Variants in CD6 observed in about 807,000 individuals in gnomAD.
CD6 encodes T-cell differentiation antigen CD6.
A neutral mutation model predicts 75.3 loss-of-function variants in CD6; 53 were observed. The ratio of observed to expected loss-of-function variants is 0.70; its 90% CI spans 0.56 to 0.88. The LOEUF (loss-of-function observed/expected upper bound fraction) is 0.88. Among genes scored for constraint, CD6 ranks in the 40% least tolerant of loss-of-function variants. The pLI is 0.00. For missense variants in CD6, 770 were observed against 897.1 expected, an observed-to-expected ratio of 0.86 and a Z score of 1.81; for synonymous variants, 359 against 381.5, an observed-to-expected ratio of 0.94 and a Z score of 0.69.
At chr11:61,017,241 G>C in intron 9 of CD6, 1 of 545,788 alleles carries the variant, frequency 1.8e-6, no homozygotes, top group Non-Finnish European at 3.3e-6. Flanking sequence ...TGGGGCTGGG[G>C]GCTGGGGGGT....
In CD6 at chr11:61,007,552, A is replaced by T. The variant is rs756897685; in HGVS notation, c.119-8A>T. Reference sequence around the variant, plus strand: ...ACCGGTCTCAGCTCTCTGGTCTGACACTTCCAGGGGAGCGGCTTCCGGTCC... The same window carrying T: ...ACCGGTCTCAGCTCTCTGGTCTGACTCTTCCAGGGGAGCGGCTTCCGGTCC... On this transcript the variant is annotated splice_polypyrimidine_tract_variant and splice_region_variant and intron_variant, in intron 2 of 12. Coordinates refer to ENST00000313421, the MANE Select transcript of CD6 (RefSeq NM_006725.5). The surrounding 1 kb of genome is among the most constrained non-coding windows in gnomAD (Gnocchi z 4.2). 16 of 1,480,524 alleles carry T rather than the reference A, an allele frequency of 1.1e-5. No homozygotes were observed. The highest frequency in any genetic ancestry group is 1.3e-5 in the Non-Finnish European group (15 of 1,114,582). The allele number at this position is 1,480,524 out of a possible 1,614,324, so 91.7% of individuals were successfully genotyped here. A position where few individuals can be genotyped will look rare whatever the true frequency, so the allele number is the denominator to read the frequency against.
intron 11 of CD6, 22 bp downstream of exon 11, chr11:61,018,035 C>T (rs1428563666): frequency 1.2e-6 from 2 of 1,606,666 alleles, no homozygotes; most frequent in Non-Finnish European, 1.7e-6. Context: ...CTCCCCCAAA[C>T]CCCCATCCCA....
At chr11:60,990,196 C>T (rs990012316) in intron 1 of CD6, among the ~76,000 whole-genome samples, 2 of 152,120 alleles carry the variant, frequency 1.3e-5, no homozygotes, top group African/African-American at 2.4e-5. Flanking sequence ...TGCAAACATA[C>T]AGAAATGCAT....
Position 61,006,728 on chromosome 11 carries a change from G to A in CD6, c.118+86G>A, listed in dbSNP as rs1055308896. The A allele has an allele frequency of 3.6e-6, 4 of 1,115,296 alleles. No homozygotes were observed. The African/African-American group carries it at 6.2e-5, about 17-fold the overall frequency. 69.1% of individuals were successfully genotyped at this position (1,115,296 alleles called of 1,614,324 possible). On this transcript the variant is annotated intron_variant, in intron 2 of 12. Coordinates refer to ENST00000313421, the MANE Select transcript of CD6 (RefSeq NM_006725.5). ...AATAAAGAAGGGAAATGGACATTTA[G>A]GATACCAGGGAGGCTCCCTGACTTC...
intron 6 of CD6, among the ~76,000 whole-genome samples, chr11:61,012,473 C>G (rs900052495): frequency 6.6e-6 from 1 of 152,166 alleles, no homozygotes; most frequent in Non-Finnish European, 1.5e-5. Flanking sequence ...TCCCCATTTG[C>G]AGACAGAGAG....
At chr11:60,989,467 C>T (rs1857971238) in intron 1 of CD6, 1 of 152,480 alleles carries the variant, frequency 6.6e-6, no homozygotes, top group African/African-American at 2.4e-5. Context: ...GCAGAGCAGC[C>T]CTGTCCCTCC....
At chr11:60,995,429 G>C (rs1433641654) in intron 1 of CD6, among the ~76,000 whole-genome samples, 2 of 152,182 alleles carry the variant, frequency 1.3e-5, no homozygotes, top group African/African-American at 4.8e-5. Context: ...ACAGATGTGA[G>C]CCACCAGGCC....
At chr11:61,003,212 G>A (rs1431106653) in intron 1 of CD6, among the ~76,000 whole-genome samples, 1 of 152,124 alleles carries the variant, frequency 6.6e-6, no homozygotes, top group African/African-American at 2.4e-5. Flanking sequence ...TAATCCACAC[G>A]CCTTGGCCTC....
rs144882878 is a variant in CD6, at chr11:60,985,538, C to G, written c.49+13624C>G. 2.1e-3 allele frequency among the ~76,000 whole-genome samples: 324 copies of G among 151,590 alleles called. 1 individual carries two copies. Among genetic ancestry groups the G allele is most frequent in the African/African-American group, 7.4e-3 (308 of 41,496 alleles). ...TTTGAACTTAGAAATCTGTCACTAT[C>G]ATGTATCTCAAACCAATACTACTTA... On this transcript the variant is annotated intron_variant, in intron 1 of 12. Transcript: ENST00000313421.
chr11:61,014,373 C>T (rs1011183627), intron 8 of CD6, among the ~76,000 whole-genome samples: 1 of 152,194 alleles, frequency 6.6e-6, no homozygotes, highest in Non-Finnish European at 1.5e-5. Flanking sequence ...CCCAATTGGC[C>T]TTGCGAAGCC....
At chr11:60,976,743 T>G (rs890138841) in intron 1 of CD6, among the ~76,000 whole-genome samples, 1 of 152,220 alleles carries the variant, frequency 6.6e-6, no homozygotes, top group Non-Finnish European at 1.5e-5. Flanking sequence ...GTGCCCTTTT[T>G]GATAGTCCGT....
chr11:61,001,198 C>CTTTTTT (rs143567183), intron 1 of CD6, among the ~76,000 whole-genome samples: 3 of 110,340 alleles, frequency 2.7e-5, no homozygotes, highest in Non-Finnish European at 3.5e-5. Flanking sequence ...GATGATGTGT[C>CTTTTTT]TTTTTTTTTT....
At chr11:60,993,265 A>G (rs1056727781) in intron 1 of CD6, among the ~76,000 whole-genome samples, 4 of 152,246 alleles carry the variant, frequency 2.6e-5, no homozygotes, top group Non-Finnish European at 5.9e-5. Context: ...CAGCTCAGAT[A>G]AGGTTCACAA....
chr11:61,009,896 C>A, intron 5 of CD6, 22 bp downstream of exon 5: 1 of 1,521,312 alleles, frequency 6.6e-7, no homozygotes, highest in South Asian at 1.3e-5. Context: ...TACTCCACCC[C>A]CCCAGATTTG....
chr11:60,997,715 C>A (rs2905515), intron 1 of CD6, among the ~76,000 whole-genome samples: 140,788 of 152,248 alleles, frequency 0.92, 65,477 homozygotes, highest in East Asian at 1. Context: ...TCACATATCT[C>A]ACTTACTCTG....
chr11:61,011,201 G>GTGTGTGTGTGTA, intron 6 of CD6, 66 bp downstream of exon 6: 3 of 1,333,034 alleles, frequency 2.3e-6, no homozygotes, highest in Non-Finnish European at 3.2e-6. Flanking sequence ...GTGTGTGTGT[G>GTGTGTGTGTGTA]TGTTCCTGTG....
chr11:61,003,649 G>T (rs183178196), intron 1 of CD6, among the ~76,000 whole-genome samples: 10 of 152,180 alleles, frequency 6.6e-5, no homozygotes, highest in African/African-American at 2.4e-4. Context: ...CACGAGAATC[G>T]CTTGAACCCA....
intron 1 of CD6, among the ~76,000 whole-genome samples, chr11:60,989,664 T>C (rs142215843): frequency 6.6e-6 from 1 of 152,296 alleles, no homozygotes; most frequent in Non-Finnish European, 1.5e-5. Context: ...CTTCCATTAA[T>C]AATAAGAGTA....
At position 60,971,841 on chromosome 11, in the gene CD6, G is replaced by T; in HGVS notation, c.-25G>T. The T allele has an allele frequency of 2.5e-6, 4 of 1,612,548 alleles. No homozygotes were observed. The highest frequency in any genetic ancestry group is 3.4e-6 in the Non-Finnish European group (4 of 1,179,396). ...TGGTGCTTCCCACAGGCAGCCACGC[G>T]TAGCAGCCAGAGACAGCTCCAGACA... On this transcript the variant is annotated 5_prime_UTR_variant, in exon 1 of 13. Transcript: ENST00000313421.
Sources: gnomAD v4.1 joint callset for allele counts (sites outside exome capture counted in the v4.1 genomes callset) on GRCh38, gnomAD v4.1.1 for gene constraint, Gnocchi (gnomAD v3.1) non-coding constraint, MANE v1.5 for transcripts, NCBI Gene and HGNC (gene_info 2026-07-23, HGNC 2026-07-21) for gene names.